Variants in MDN1 observed in about 807,000 individuals in gnomAD.
MDN1 encodes midasin AAA ATPase 1, also known as midasin.
A neutral mutation model predicts 669.2 loss-of-function variants in MDN1; 266 were observed. The ratio of observed to expected loss-of-function variants is 0.40; its 90% CI spans 0.36 to 0.44. The LOEUF (loss-of-function observed/expected upper bound fraction) is 0.44, where lower values mean the gene tolerates loss of function less well. Among genes scored for constraint, MDN1 ranks in the 20% least tolerant of loss-of-function variants. The pLI is 1.00. For missense variants in MDN1, 5,940 were observed against 6,754.0 expected (o/e 0.88, Z 4.22); for synonymous variants, 2,385 against 2,457.1 (o/e 0.97, Z 0.87).
At chr6:89,778,937 A>AT (rs1818498148) in intron 11 of MDN1, among the ~76,000 whole-genome samples, 8 of 149,106 alleles carry the variant, frequency 5.4e-5, no homozygotes, top group South Asian at 2.1e-4. Flanking sequence ...TAAATAAAAA[A>AT]AAAGGTATAG....
intron 7 of MDN1, 110 bp from the exon 8 acceptor site, chr6:89,788,067 T>G: frequency 2.1e-6 from 2 of 933,426 alleles, no homozygotes; most frequent in East Asian, 2.6e-5. Context: ...AAAGGAAACG[T>G]CAGCTCTCAT....
intron 84 of MDN1, among the ~76,000 whole-genome samples, chr6:89,667,440 A>T (rs916537346): frequency 6.6e-6 from 1 of 152,166 alleles, no homozygotes; most frequent in African/African-American, 2.4e-5. Context: ...CAAGTTTCTG[A>T]TCTGATTTAA....
chr6:89,712,812 A>G (rs1377254554), intron 47 of MDN1, 26 bp from the exon 48 acceptor site: 1 of 1,597,288 alleles, frequency 6.3e-7, no homozygotes, highest in Non-Finnish European at 8.6e-7. Flanking sequence ...AACACAATAC[A>G]GTGGTACCAA....
chr6:89,754,341 C>CA (rs1369548947), intron 20 of MDN1, 111 bp from the exon 21 acceptor site: 5 of 1,098,268 alleles, frequency 4.6e-6, no homozygotes, highest in Non-Finnish European at 6.5e-6. Context: ...TGATCATGCA[C>CA]ACAACTTCCT....
At chr6:89,707,833 T>C (rs981278925) in intron 51 of MDN1, among the ~76,000 whole-genome samples, 1 of 152,214 alleles carries the variant, frequency 6.6e-6, no homozygotes, top group Non-Finnish European at 1.5e-5. Flanking sequence ...GTACACACTA[T>C]ACTTGTGGAT....
intron 5 of MDN1, among the ~76,000 whole-genome samples, chr6:89,793,057 C>T (rs938401142): frequency 1.3e-5 from 2 of 152,086 alleles, no homozygotes; most frequent in Non-Finnish European, 2.9e-5. Flanking sequence ...GAGACTGGCT[C>T]CCACTAGTGC....
chr6:89,687,188 C>T (rs916662885), intron 68 of MDN1, among the ~76,000 whole-genome samples, 156 bp downstream of exon 68: 1 of 152,152 alleles, frequency 6.6e-6, no homozygotes, highest in Non-Finnish European at 1.5e-5. Context: ...GGACTGTATT[C>T]AGGTCATTTT....
chr6:89,664,815 G>A (rs541820363), intron 84 of MDN1, among the ~76,000 whole-genome samples, 187 bp from the exon 85 acceptor site: 1 of 152,172 alleles, frequency 6.6e-6, no homozygotes, highest in Non-Finnish European at 1.5e-5. Flanking sequence ...GTTTTAATCA[G>A]AGTATAGAAT....
chr6:89,676,811 A>C (rs1182854169), intron 76 of MDN1, among the ~76,000 whole-genome samples: 2 of 152,228 alleles, frequency 1.3e-5, no homozygotes, highest in African/African-American at 2.4e-5. Context: ...CAGTTCATGC[A>C]AAGCATCATT....
chr6:89,648,413 C>A, intron 97 of MDN1, 84 bp from the exon 98 acceptor site: 1 of 1,303,444 alleles, frequency 7.7e-7, no homozygotes, highest in Non-Finnish European at 1.1e-6. Context: ...ATCAAGATTC[C>A]CAAAGAAAAC....
intron 29 of MDN1, among the ~76,000 whole-genome samples, chr6:89,744,554 C>T (rs183475819): frequency 1.3e-5 from 2 of 152,156 alleles, no homozygotes; most frequent in East Asian, 3.9e-4. Context: ...AGGCAGATGC[C>T]AACACAACCA....
chr6:89,719,177 T>A lies in MDN1; in HGVS notation c.6016A>T (p.Met2006Leu). 1 of 1,614,016 alleles carries A rather than the reference T, an allele frequency of 6.2e-7. No individual in the cohort carries two copies. The highest frequency in any genetic ancestry group is 8.5e-7 in the Non-Finnish European group (1 of 1,179,866). Reference sequence around the variant, plus strand: ...GTGATACGAAATAGTCTGGTTCCCATGTATGGGTTGGAATTTGAACCAAAC... The same window carrying A: ...GTGATACGAAATAGTCTGGTTCCCAAGTATGGGTTGGAATTTGAACCAAAC... Reference protein sequence around the residue: ...DVFGSNSNPYMGTRLFRITPY... With the variant: ...DVFGSNSNPYLGTRLFRITPY... The change falls in exon 41 of 102, where the codon ATG (methionine) becomes TTG (leucine). Residue 2006 changes from methionine to leucine, a missense_variant. Transcript: ENST00000369393.
chr6:89,788,749 G>C (rs1819098482), intron 7 of MDN1, among the ~76,000 whole-genome samples: 1 of 152,168 alleles, frequency 6.6e-6, no homozygotes, highest in South Asian at 2.1e-4. Flanking sequence ...CGGCCAAAAA[G>C]GACACTATTC....
chr6:89,795,056 T>G (rs997925942), intron 2 of MDN1, among the ~76,000 whole-genome samples: 2 of 152,194 alleles, frequency 1.3e-5, no homozygotes, highest in Non-Finnish European at 2.9e-5. Context: ...GTCGTAAAAT[T>G]GTATCCTGTT....
chr6:89,688,902 G>T, intron 65 of MDN1, 94 bp from the exon 66 acceptor site: 2 of 1,002,084 alleles, frequency 2.0e-6, no homozygotes, highest in South Asian at 1.5e-5. Context: ...AGGTGCAGTG[G>T]CTCATGTCTG....
chr6:89,733,549 A>AAAAGCTATATATATATACAGCCTCC (rs1815734495), intron 33 of MDN1, among the ~76,000 whole-genome samples: 1 of 151,946 alleles, frequency 6.6e-6, no homozygotes, highest in Non-Finnish European at 1.5e-5. Flanking sequence ...AGCAGCCTCC[A>AAAAGCTATATATATATACAGCCTCC]AAAGCTATAT....
At chr6:89,770,368 C>G (rs940844400) in intron 15 of MDN1, among the ~76,000 whole-genome samples, 8 of 147,068 alleles carry the variant, frequency 5.4e-5, no homozygotes, top group Non-Finnish European at 1.0e-4. Flanking sequence ...CGCGCCACCG[C>G]ACTCCAGCCG....
chr6:89,661,430 C>A lies in MDN1; in HGVS notation c.14713+1G>T. On this transcript the variant is annotated splice_donor_variant, in intron 88 of 101. Transcript: ENST00000369393. LOFTEE classifies it high-confidence loss of function. Reference sequence around the variant, plus strand: ...GGTCTCTTTGTTTCTGAAAGACGCACCTTCTCCTTCTTCATTGTCGGTGTC... The same window carrying A: ...GGTCTCTTTGTTTCTGAAAGACGCAACTTCTCCTTCTTCATTGTCGGTGTC... The A allele has an allele frequency of 1.2e-6, 2 of 1,610,298 alleles. No individual in the cohort carries two copies. The highest frequency in any genetic ancestry group is 2.7e-5 in the African/African-American group (2 of 74,766).
intron 31 of MDN1, among the ~76,000 whole-genome samples, chr6:89,742,310 G>A (rs752095271): frequency 1.3e-5 from 2 of 151,866 alleles, no homozygotes; most frequent in East Asian, 3.9e-4. Flanking sequence ...TACTCAAGAA[G>A]CTGAGGCACA....
Sources: gnomAD v4.1 joint callset for allele counts (sites outside exome capture counted in the v4.1 genomes callset) on GRCh38, gnomAD v4.1.1 for gene constraint, MANE v1.5 for transcripts, NCBI Gene and HGNC (gene_info 2026-07-23, HGNC 2026-07-21) for gene names.